Variants in METTL22 observed in about 807,000 individuals in gnomAD.
METTL22 encodes methyltransferase-like protein 22.
In METTL22, 51 loss-of-function variants were observed where a neutral mutation model predicts 48.4. The ratio of observed to expected loss-of-function variants is 1.05; its 90% CI spans 0.84 to 1.33. The LOEUF (loss-of-function observed/expected upper bound fraction) is 1.33, where lower values mean the gene tolerates loss of function less well. Among genes scored for constraint, METTL22 ranks in the 40% most tolerant of loss-of-function variants. The pLI, the probability that METTL22 is intolerant of heterozygous loss-of-function variation, is 0.00. For synonymous variants in METTL22, 255 were observed against 214.1 expected, an observed-to-expected ratio of 1.19 and a Z score of -1.67; for missense variants, 678 against 526.9, an observed-to-expected ratio of 1.29 and a Z score of -2.81.
intron 6 of METTL22, among the ~76,000 whole-genome samples, chr16:8,640,588 G>A (rs945529912): frequency 8.0e-5 from 4 of 50,312 alleles, no homozygotes; most frequent in African/African-American, 2.4e-4. Context: ...GCAGAAGGAT[G>A]GATAGATGGG....
chr16:8,665,053 C>T, the METTL22 span, among the ~76,000 whole-genome samples: 5 of 152,150 alleles, frequency 3.3e-5, no homozygotes, highest in Non-Finnish European at 5.9e-5. Context: ...ATGGGCCTGA[C>T]TCTAGGGCAG....
At position 8,649,437 on chromosome 16, in the gene METTL22, AAT is replaced by A. The variant is rs1453501151; in HGVS notation, c.*3297_*3298del. ...AATTTTTTTATAACATTTTCAGAAA[AAT>A]ATGTGACCCAAGGAGGGGACTTGGC... is the stretch of plus-strand genomic sequence containing the variant. On this transcript the variant is annotated 3_prime_UTR_variant, in exon 11 of 11. Coordinates refer to ENST00000381920, the MANE Select transcript of METTL22 (RefSeq NM_024109.4). The A allele has an allele frequency of 1.3e-5, 2 of 152,090 alleles. No homozygotes were observed. Among genetic ancestry groups the A allele is most frequent in the African/African-American group, 2.4e-5 (1 of 41,414 alleles). The allele number at this position is 152,090 out of a possible 1,614,324, so 9.4% of individuals were successfully genotyped here.
the METTL22 span, among the ~76,000 whole-genome samples, chr16:8,663,097 T>C: frequency 6.6e-6 from 1 of 150,840 alleles, no homozygotes; most frequent in Non-Finnish European, 1.5e-5. Flanking sequence ...AATCAGCTAC[T>C]TGGGAGGCTG....
chr16:8,626,510 G>A (rs193205833), intron 2 of METTL22, among the ~76,000 whole-genome samples: 63 of 147,266 alleles, frequency 4.3e-4, no homozygotes, highest in Admixed American at 1.0e-3. Flanking sequence ...GTGCAGTGGC[G>A]CGACCTCGGC....
At chr16:8,644,795 G>T (rs1474761707) in intron 10 of METTL22, 70 bp downstream of exon 10, 3 of 1,427,676 alleles carry the variant, frequency 2.1e-6, no homozygotes, top group Non-Finnish European at 1.9e-6. Context: ...GGGCAAAGAG[G>T]TGATGAAGCA....
intron 10 of METTL22, 162 bp downstream of exon 10, chr16:8,644,887 G>A: frequency 1.4e-6 from 1 of 712,020 alleles, no homozygotes; most frequent in Non-Finnish European, 2.1e-6. Context: ...GGAACCTGTT[G>A]GGGGAGCTAC....
intron 6 of METTL22, among the ~76,000 whole-genome samples, chr16:8,640,734 ATGGATGGATCGATGGATGGC>A (rs2056576095): frequency 3.9e-5 from 1 of 25,454 alleles, no homozygotes; most frequent in African/African-American, 1.5e-4. Context: ...GGGTGGATGG[ATGGATGGATCGATGGATGGC>A]TAGAAGGAAG....
chr16:8,634,517 T>A (rs2056364343), intron 3 of METTL22, among the ~76,000 whole-genome samples: 1 of 152,134 alleles, frequency 6.6e-6, no homozygotes, highest in Non-Finnish European at 1.5e-5. Flanking sequence ...TTATACTACT[T>A]TTCAACGTTT....
In METTL22 at chr16:8,642,472, A is replaced by G; in HGVS notation, c.917A>G (p.Asp306Gly). ...TTTTTGCTTCCCACAGTGTTTTACG[A>G]CGACGACTTGACTGATGCTGTGTTT... is the stretch of plus-strand genomic sequence containing the variant. ...TILFAAEVFY[D>G]DDLTDAVFKT... The change falls in exon 9 of 11, where the codon GAC (aspartate) becomes GGC (glycine). Residue 306 changes from aspartate to glycine, a missense_variant. By Grantham distance (94) the Asp-to-Gly change is moderately conservative. Transcript: ENST00000381920. 3 of 1,614,202 alleles carry G rather than the reference A, an allele frequency of 1.9e-6. No homozygotes were observed. The highest frequency in any genetic ancestry group is 2.5e-6 in the Non-Finnish European group (3 of 1,180,044).
At chr16:8,644,488 G>A (rs1160276437) in intron 9 of METTL22, 69 bp from the exon 10 acceptor site, 1 of 1,460,036 alleles carries the variant, frequency 6.8e-7, no homozygotes, top group African/African-American at 1.4e-5. Flanking sequence ...GGAAAGCAAG[G>A]TGGGCAGAAA....
At chr16:8,666,063 TC>T in the METTL22 span, among the ~76,000 whole-genome samples, 12 of 152,212 alleles carry the variant, frequency 7.9e-5, no homozygotes, top group African/African-American at 2.9e-4. Flanking sequence ...ATTTTCCATT[TC>T]TTTGCAAGTT....
At chr16:8,663,784 C>T in the METTL22 span, among the ~76,000 whole-genome samples, 1 of 152,210 alleles carries the variant, frequency 6.6e-6, no homozygotes, top group South Asian at 2.1e-4. Context: ...TTAGACCTTT[C>T]TGGGTTTCAT....
the METTL22 span, among the ~76,000 whole-genome samples, chr16:8,664,697 G>C: frequency 6.6e-6 from 1 of 152,078 alleles, no homozygotes; most frequent in African/African-American, 2.4e-5. Context: ...CTGGGCTCAA[G>C]TGATCTTCCC....
At chr16:8,643,070 G>C in intron 9 of METTL22, 1 of 167,446 alleles carries the variant, frequency 6.0e-6, no homozygotes, top group Non-Finnish European at 1.3e-5. Flanking sequence ...TGCCCACCTT[G>C]TGATAGCTAC....
chr16:8,642,249 G>C, intron 8 of METTL22, 42 bp downstream of exon 8: 1 of 1,554,100 alleles, frequency 6.4e-7, no homozygotes, highest in Admixed American at 1.7e-5. Flanking sequence ...CTTTGTTGTA[G>C]CATGAAGTCA....
In METTL22 at chr16:8,634,024, G is replaced by A. The variant is rs144214473; in HGVS notation, c.515-1015G>A. On this transcript the variant is annotated intron_variant, in intron 3 of 10. Transcript: ENST00000381920. ...TTCAAACCAGGTGACTACGTGTTAG[G>A]ACGTAGCAATCTGAAGCCCTTCTGA... 1.0e-3 allele frequency among the ~76,000 whole-genome samples: 157 copies of A among 152,330 alleles called. 1 individual carries two copies. Among genetic ancestry groups the A allele is most frequent in the Middle Eastern group, 3.4e-3 (1 of 294 alleles).
At chr16:8,653,599 G>A (rs1280130052), downstream of METTL22, among the ~76,000 whole-genome samples, 1 of 152,230 alleles carries the variant, frequency 6.6e-6, no homozygotes, top group African/African-American at 2.4e-5. Context: ...AAGGCAATCA[G>A]TCTCTATTGA....
rs776357882 is a variant in METTL22, at chr16:8,629,012, C to G, written c.416C>G (p.Pro139Arg). Residue 139 changes from proline to arginine, a missense_variant, in exon 3 of 11, where the codon CCT becomes CGT. By Grantham distance (103) the Pro-to-Arg change is moderately radical. Transcript: ENST00000381920. ...GCCTCTGATTCCAACCCAGCAGGGC[C>G]TCTGAGAGACAAGGTACATCCCATG... Reference protein sequence around the residue: ...RAASDSNPAGPLRDKVHPMIL... With the variant: ...RAASDSNPAGRLRDKVHPMIL... 1.2e-6 allele frequency: 2 copies of G among 1,614,110 alleles called. No individual in the cohort carries two copies. The highest frequency in any genetic ancestry group is 1.7e-6 in the Non-Finnish European group (2 of 1,180,040).
In METTL22 at chr16:8,642,118, C is replaced by G; in HGVS notation, c.827-9C>G. On this transcript the variant is annotated splice_polypyrimidine_tract_variant and intron_variant, in intron 7 of 10. Transcript: ENST00000381920. ...AATGGGCACAAAGTGTGCTTTTGTT[C>G]TTTCTTAGATCCCAAGGTCCCCTTC... 6.2e-7 allele frequency: 1 copy of G among 1,609,410 alleles called. No individual in the cohort carries two copies.
Sources: allele counts gnomAD v4.1 joint callset (sites outside exome capture counted in the v4.1 genomes callset), GRCh38; gene constraint gnomAD v4.1.1; transcripts MANE v1.5; gene names NCBI Gene and HGNC (gene_info 2026-07-23, HGNC 2026-07-21).